The following CCDC88C variants were observed in gnomAD, a reference collection of about 807,000 sequenced individuals.
The protein encoded by CCDC88C is coiled-coil and HOOK domain protein 88C.
Under a neutral mutation model 198.8 loss-of-function variants are expected in CCDC88C, and 131 were observed. The ratio of observed to expected loss-of-function variants is 0.66; its 90% confidence interval spans 0.57 to 0.76. The LOEUF (loss-of-function observed/expected upper bound fraction) is 0.76. CCDC88C is among the 30% of genes least tolerant of loss of function. CCDC88C has a pLI of 0.00. For missense variants in CCDC88C, 2,553 were observed against 2,631.6 expected (o/e 0.97, Z 0.65); for synonymous variants, 1,166 against 1,114.7 (o/e 1.05, Z -0.92).
intron 3 of CCDC88C, among the ~76,000 whole-genome samples, chr14:91,376,976 G>T (rs1424811096): frequency 1.3e-5 from 2 of 152,160 alleles, no homozygotes; most frequent in Non-Finnish European, 2.9e-5. Flanking sequence ...ACCCACCCGA[G>T]CAAAGCTGCC....
At position 91,417,789 on chromosome 14, in the gene CCDC88C, G is replaced by T. The variant is rs1354763369; in HGVS notation, c.-99C>A. 6.2e-6 allele frequency: 5 copies of T among 802,424 alleles called. No homozygotes were observed. The highest frequency in any genetic ancestry group is 1.8e-5 in the African/African-American group (1 of 54,332). 49.7% of individuals were successfully genotyped at this position (802,424 alleles called of 1,614,324 possible). A position where few individuals can be genotyped will look rare whatever the true frequency, so the allele number is the denominator to read the frequency against. On this transcript the variant is annotated 5_prime_UTR_variant, in exon 1 of 30. Transcript: ENST00000389857. ...CTCCGCAGCGAGCAGCGGGCGCGGG[G>T]CTGCGGCGGCTCGCGCCCGGGAGAC... is the stretch of plus-strand genomic sequence containing the variant.
chr14:91,297,513 G>A, intron 21 of CCDC88C, 22 bp from the exon 22 acceptor site: 5 of 1,551,002 alleles, frequency 3.2e-6, no homozygotes, highest in Non-Finnish European at 4.4e-6. Flanking sequence ...AGAGTCACAG[G>A]GCAAAGGAGC....
chr14:91,358,689 G>A (rs943504820), intron 4 of CCDC88C, among the ~76,000 whole-genome samples: 6 of 152,196 alleles, frequency 3.9e-5, no homozygotes, highest in Non-Finnish European at 8.8e-5. Flanking sequence ...TATAATTAGA[G>A]ATGAGATCTC....
At position 91,324,829 on chromosome 14, in the gene CCDC88C, T is replaced by C. The variant is rs774966219; in HGVS notation, c.1292A>G (p.His431Arg). The C allele has an allele frequency of 6.2e-7, 1 of 1,613,536 alleles. No individual in the cohort carries two copies. Among genetic ancestry groups the C allele is most frequent in the Non-Finnish European group, 8.5e-7 (1 of 1,179,900 alleles). The change falls in exon 12 of 30, where the codon CAC (histidine) becomes CGC (arginine). Residue 431 changes from histidine to arginine, a missense_variant. By Grantham distance (29) the His-to-Arg change is conservative (BLOSUM62 0). This residue lies in a region of CCDC88C where 1,260 missense variants were observed against 1,412.0 expected (regional missense o/e 0.89). Transcript: ENST00000389857. ...CAGCTGCTCCAGCTCCCAGCCAAGGTGGGCAGATTCGTTCATGCTCTGCTT... is the reference window on the plus strand; with the variant it reads ...CAGCTGCTCCAGCTCCCAGCCAAGGCGGGCAGATTCGTTCATGCTCTGCTT... The part of the protein sequence containing the change: ...AQKQSMNESA[H>R]LGWELEQLSK...
chr14:91,304,253 C>T (rs1891466272), intron 19 of CCDC88C, among the ~76,000 whole-genome samples: 1 of 152,142 alleles, frequency 6.6e-6, no homozygotes, highest in African/African-American at 2.4e-5. Context: ...CTGGATAACT[C>T]CCTTGTGTGC....
chr14:91,410,763 T>C (rs942324606), intron 2 of CCDC88C, among the ~76,000 whole-genome samples: 3 of 152,246 alleles, frequency 2.0e-5, no homozygotes, highest in Non-Finnish European at 2.9e-5. Context: ...CTTCTTAAAA[T>C]AGCAGAACTC....
chr14:91,278,889 C>CTTTT (rs10671669), intron 28 of CCDC88C, among the ~76,000 whole-genome samples: 1,250 of 54,476 alleles, frequency 0.023, 441 homozygotes, highest in African/African-American at 0.059. Flanking sequence ...ACCAAATACA[C>CTTTT]TTTTTTTTTT....
intron 5 of CCDC88C, among the ~76,000 whole-genome samples, chr14:91,343,357 T>C (rs1893384061): frequency 6.6e-6 from 1 of 152,134 alleles, no homozygotes; most frequent in Non-Finnish European, 1.5e-5. Flanking sequence ...CTGGGGACGA[T>C]TTGCTAATGG....
chr14:91,338,204 T>C lies in CCDC88C; in HGVS notation c.892-41A>G, dbSNP rs1248416817. The C allele has an allele frequency of 1.2e-6, 2 of 1,604,818 alleles. No individual in the cohort carries two copies. Among genetic ancestry groups the C allele is most frequent in the East Asian group, 2.2e-5 (1 of 44,728 alleles). ...AGGCAGGAGAACCTAGCTTAGGGCA[T>C]CCTCTAGGAAGGGCAGAAAGGCCAT... On this transcript the variant is annotated intron_variant, in intron 9 of 29. Transcript: ENST00000389857. This position sits in a 1 kb window ranked among gnomAD's most constrained non-coding sequence, Gnocchi z 4.8.
intron 3 of CCDC88C, among the ~76,000 whole-genome samples, chr14:91,394,912 G>A: frequency 6.6e-6 from 1 of 152,268 alleles, no homozygotes; most frequent in East Asian, 1.9e-4. Context: ...AGTGGCCAGG[G>A]GACGGGCCTT....
chr14:91,296,877 G>A (rs1249903040), intron 22 of CCDC88C, among the ~76,000 whole-genome samples: 1 of 152,138 alleles, frequency 6.6e-6, no homozygotes, highest in East Asian at 1.9e-4. Context: ...TGTACTAGAA[G>A]GGACGGCTCT....
At position 91,297,088 on chromosome 14, in the gene CCDC88C, C is replaced by T. The variant is rs368069004; in HGVS notation, c.3966+217G>A. ...CCTCTCCCGACCCTGCAAAAGGTGA[C>T]GGTCAGACAGGGGTGTTTTCGTATA... On this transcript the variant is annotated intron_variant, in intron 22 of 29. Transcript: ENST00000389857. Among the ~76,000 whole-genome samples, 37 of 152,352 alleles carry T rather than the reference C, an allele frequency of 2.4e-4. No individual in the cohort carries two copies. In the East Asian group the frequency reaches 4.1e-3, roughly 17 times the overall value.
chr14:91,378,290 GA>G (rs1884578914), intron 3 of CCDC88C, among the ~76,000 whole-genome samples: 2 of 152,214 alleles, frequency 1.3e-5, no homozygotes, highest in African/African-American at 4.8e-5. Context: ...AGAAGCAGGG[GA>G]AAGAGTAACT....
rs762402855 is a variant in CCDC88C at position 91,408,689 on chromosome 14, G to C, written c.240C>G (p.Ile80Met). ...DVNLRIQNLT[I>M]LVRNIKTYYQ... is the part of the protein sequence containing the mutation. ...AGTAGGTCTTAATGTTTCTCACCAA[G>C]ATGGTCAAATTCTGAATGCGAAGGT... is the stretch of plus-strand genomic sequence containing the variant. Residue 80 changes from isoleucine (I) to methionine (M), a missense_variant, in exon 3 of 30, where the codon ATC (isoleucine) becomes ATG (methionine). Coordinates refer to ENST00000389857, the MANE Select transcript of CCDC88C (RefSeq NM_001080414.4). 9 of 1,613,054 alleles carry C rather than the reference G, an allele frequency of 5.6e-6. No individual in the cohort carries two copies. Among genetic ancestry groups the C allele is most frequent in the African/African-American group, 1.3e-5 (1 of 74,906 alleles).
intron 2 of CCDC88C, among the ~76,000 whole-genome samples, chr14:91,409,862 C>T (rs906467217): frequency 2.6e-5 from 4 of 152,152 alleles, no homozygotes; most frequent in Non-Finnish European, 5.9e-5. Flanking sequence ...CTCTGTCATG[C>T]GAATTGGTCT....
chr14:91,367,649 A>C (rs1285813), intron 3 of CCDC88C, among the ~76,000 whole-genome samples: 1 of 151,996 alleles, frequency 6.6e-6, no homozygotes, highest in South Asian at 2.1e-4. Flanking sequence ...AACTGCCCAG[A>C]CAAGTCTGGG....
chr14:91,272,658 C>A lies in CCDC88C; in HGVS notation c.6054G>T (p.Pro2018=), dbSNP rs370072154. The A allele has an allele frequency of 1.2e-6, 2 of 1,611,266 alleles. No homozygotes were observed. The highest frequency in any genetic ancestry group is 1.7e-5 in the Admixed American group (1 of 60,004). ...SPASPEPGGD[P]QTVWYEYGCV ...AGCCGTACTCATACCACACGGTCTGCGGATCCCCGCCGGGCTCCGGGGAGG... is the reference window on the plus strand; with the variant it reads ...AGCCGTACTCATACCACACGGTCTGAGGATCCCCGCCGGGCTCCGGGGAGG... The change falls in exon 30 of 30, where the codon CCG becomes CCT. Residue 2018 remains proline (P), a synonymous_variant. Transcript: ENST00000389857.
chr14:91,303,867 G>T lies in CCDC88C; in HGVS notation c.3469C>A (p.Gln1157Lys). The change falls in exon 20 of 30, where the codon CAG becomes AAG. Residue 1157 changes from glutamine to lysine, a missense_variant. This residue lies in a region of CCDC88C where 1,293 missense variants were observed against 1,219.6 expected (regional missense o/e 1.06). Transcript: ENST00000389857. Reference sequence around the variant, plus strand: ...TCGTAGGCCGCTGTAAGTTGCTCCTGCTGCCTCTGCAGGCTTTCGTTCTCC... The same window carrying T: ...TCGTAGGCCGCTGTAAGTTGCTCCTTCTGCCTCTGCAGGCTTTCGTTCTCC... ...ETENESLQRQ[Q>K]EQLTAAYEAL... 1 of 1,613,156 alleles carries T rather than the reference G, an allele frequency of 6.2e-7. No individual in the cohort carries two copies.
At chr14:91,276,056 G>A (rs1030591643) in intron 29 of CCDC88C, among the ~76,000 whole-genome samples, 8 of 151,876 alleles carry the variant, frequency 5.3e-5, no homozygotes, top group African/African-American at 7.3e-5. Context: ...TCCTGACCTC[G>A]TGATCCGCCC....
Sources: allele counts gnomAD v4.1 joint callset (sites outside exome capture counted in the v4.1 genomes callset), GRCh38; gene constraint gnomAD v4.1.1; regional missense constraint gnomAD v4.1.1; non-coding constraint Gnocchi (gnomAD v3.1); transcripts MANE v1.5; gene names NCBI Gene and HGNC (gene_info 2026-07-23, HGNC 2026-07-21).